PTPRN2: variants seen among roughly 807,000 people sequenced by gnomAD.
PTPRN2 encodes receptor-type tyrosine-protein phosphatase N2.
A neutral mutation model predicts 118.8 loss-of-function variants in PTPRN2; 74 were observed. The observed-to-expected ratio is 0.62, with a 90% CI of 0.52 to 0.76. The LOEUF (loss-of-function observed/expected upper bound fraction) is 0.76. PTPRN2 is among the 30% of genes least tolerant of loss of function. The probability of loss-of-function intolerance (pLI) is 0.00; values close to 1 mark genes in which losing one functional copy is unlikely to be tolerated. For missense variants in PTPRN2, 1,481 were observed against 1,394.4 expected (o/e 1.06, Z -0.99); for synonymous variants, 641 against 608.0 (o/e 1.05, Z -0.80).
At chr7:158,329,961 G>A (rs368981718) in intron 2 of PTPRN2, among the ~76,000 whole-genome samples, 1 of 151,842 alleles carries the variant, frequency 6.6e-6, no homozygotes. Context: ...CTCAGGTCTT[G>A]TATGGCGACT....
intron 11 of PTPRN2, among the ~76,000 whole-genome samples, chr7:158,005,206 C>G (rs1452024935): frequency 1.3e-5 from 2 of 151,984 alleles, no homozygotes; most frequent in Non-Finnish European, 2.9e-5. Context: ...TGCCGAGTAG[C>G]TGGGATTACA....
At chr7:157,880,925 T>C (rs941496724) in intron 12 of PTPRN2, among the ~76,000 whole-genome samples, 1 of 152,224 alleles carries the variant, frequency 6.6e-6, no homozygotes, top group Admixed American at 6.5e-5. Context: ...AAAAAGGCAC[T>C]CTGAGTTAAA....
intron 21 of PTPRN2, among the ~76,000 whole-genome samples, chr7:157,562,417 G>A (rs1025952383): frequency 1.7e-4 from 26 of 152,154 alleles, no homozygotes; most frequent in African/African-American, 6.3e-4. Context: ...GGGAAGGAGT[G>A]ACTTCCAGCT....
chr7:157,875,054 GAC>G lies in PTPRN2; in HGVS notation c.1788+23617_1788+23618del, dbSNP rs149916225. On this transcript the variant is annotated intron_variant, in intron 12 of 22. Coordinates refer to ENST00000389418, the MANE Select transcript of PTPRN2 (RefSeq NM_002847.5). ...GCAGACACACACACGCGCACACACA[GAC>G]ACACACACACACACGCTCACTCACA... Among the ~76,000 whole-genome samples the G allele has an allele frequency of 9.5e-4, 143 of 150,538 alleles. 4 individuals carry two copies. In the South Asian group the frequency reaches 0.02, roughly 21 times the overall value.
intron 12 of PTPRN2, among the ~76,000 whole-genome samples, chr7:157,713,449 G>T (rs1222303358): frequency 1.3e-5 from 2 of 151,884 alleles, no homozygotes; most frequent in African/African-American, 4.8e-5. Context: ...CGGCATGATC[G>T]TTCCAAGTCT....
intron 12 of PTPRN2, among the ~76,000 whole-genome samples, chr7:157,823,130 T>C (rs58545762): frequency 0.053 from 8,094 of 152,120 alleles, 430 homozygotes; most frequent in South Asian, 0.22. Flanking sequence ...TCTGTCCATC[T>C]ACCTATGGAA....
chr7:157,892,781 C>T (rs1157529697), intron 12 of PTPRN2, among the ~76,000 whole-genome samples: 1 of 152,208 alleles, frequency 6.6e-6, no homozygotes, highest in Non-Finnish European at 1.5e-5. Flanking sequence ...TGCAAATCTA[C>T]TCCAAATATA....
At chr7:157,884,111 C>G (rs181999427) in intron 12 of PTPRN2, among the ~76,000 whole-genome samples, 21 of 151,292 alleles carry the variant, frequency 1.4e-4, no homozygotes, top group Admixed American at 1.2e-3. Flanking sequence ...CTGTCAGAGA[C>G]CAGAACATGC....
intron 9 of PTPRN2, among the ~76,000 whole-genome samples, chr7:158,114,188 C>CAGTCCAGG (rs1431369043): frequency 6.6e-6 from 1 of 152,222 alleles, no homozygotes; most frequent in Non-Finnish European, 1.5e-5. Context: ...CTTCCCTGCC[C>CAGTCCAGG]AGTCCAGGGC....
intron 3 of PTPRN2, among the ~76,000 whole-genome samples, chr7:158,273,871 C>CGAGGAGCCGCAGACGCAG (rs1798732774): frequency 1.7e-5 from 2 of 115,424 alleles, no homozygotes; most frequent in South Asian, 2.8e-4. Context: ...AGGAGACACA[C>CGAGGAGCCGCAGACGCAG]GAGGAGCCGC....
intron 21 of PTPRN2, among the ~76,000 whole-genome samples, chr7:157,568,620 T>A (rs1461823240): frequency 6.6e-6 from 1 of 152,166 alleles, no homozygotes; most frequent in Non-Finnish European, 1.5e-5. Flanking sequence ...ACCCACTGTG[T>A]GCTCGGCACA....
intron 2 of PTPRN2, among the ~76,000 whole-genome samples, chr7:158,354,274 A>G (rs888958016): frequency 6.6e-6 from 1 of 152,178 alleles, no homozygotes; most frequent in Non-Finnish European, 1.5e-5. Flanking sequence ...GAAGAGATAA[A>G]TAAATAACCG....
In PTPRN2 at chr7:157,794,357, C is replaced by T. The variant is rs1019096040; in HGVS notation, c.1788+104316G>A. Among the ~76,000 whole-genome samples the T allele has an allele frequency of 2.0e-5, 3 of 152,142 alleles. No individual in the cohort carries two copies. The highest frequency in any genetic ancestry group is 4.8e-5 in the African/African-American group (2 of 41,392). On this transcript the variant is annotated intron_variant, in intron 12 of 22. Transcript: ENST00000389418. This position sits in a 1 kb window ranked among gnomAD's most constrained non-coding sequence, Gnocchi z 5.2. Reference sequence around the variant, plus strand: ...GCTCCACCCAGGCTGCCTGCACTTCCGGTTCTGCGTCTGGCCGGCCTACGG... The same window carrying T: ...GCTCCACCCAGGCTGCCTGCACTTCTGGTTCTGCGTCTGGCCGGCCTACGG...
intron 12 of PTPRN2, among the ~76,000 whole-genome samples, chr7:157,821,559 T>C (rs1366212838): frequency 6.6e-6 from 1 of 152,014 alleles, no homozygotes; most frequent in Non-Finnish European, 1.5e-5. Context: ...AGAAGGGGCT[T>C]ATTAGCTCTC....
chr7:158,155,739 CCATCATCACCATCACCATCAT>C (rs1821747143), intron 6 of PTPRN2, among the ~76,000 whole-genome samples: 1 of 64,588 alleles, frequency 1.5e-5, no homozygotes, highest in African/African-American at 4.4e-5. Context: ...ACCATCATCA[CCATCATCACCATCACCATCAT>C]CATCACCATC....
chr7:158,302,018 G>A lies in PTPRN2; in HGVS notation c.277+14801C>T, dbSNP rs550994273. On this transcript the variant is annotated intron_variant, in intron 3 of 22. Coordinates refer to ENST00000389418, the MANE Select transcript of PTPRN2 (RefSeq NM_002847.5). ...CAATCTAGGAAGCTATTGATTGCAA[G>A]ACAGACCATTACTCTAGTACTGCTA... Among the ~76,000 whole-genome samples the A allele has an allele frequency of 7.2e-5, 11 of 152,314 alleles. 1 individual carries two copies. In the South Asian group the frequency reaches 2.3e-3, roughly 32 times the overall value.
intron 21 of PTPRN2, among the ~76,000 whole-genome samples, chr7:157,551,529 C>A (rs1378660792): frequency 7.2e-6 from 1 of 138,948 alleles, no homozygotes; most frequent in South Asian, 2.4e-4. Flanking sequence ...CTATCACACA[C>A]CCCACACACC....
chr7:158,137,603 C>T (rs1280136520), intron 7 of PTPRN2, among the ~76,000 whole-genome samples: 1 of 152,066 alleles, frequency 6.6e-6, no homozygotes. Context: ...AACACAGGCC[C>T]TCCCGGGGTG....
chr7:157,992,989 C>T (rs1191290846), intron 11 of PTPRN2, among the ~76,000 whole-genome samples: 1 of 152,212 alleles, frequency 6.6e-6, no homozygotes, highest in African/African-American at 2.4e-5. Context: ...AGCCTGGAGC[C>T]CCCGTCTTAC....
Sources: allele counts gnomAD v4.1 joint callset (sites outside exome capture counted in the v4.1 genomes callset), GRCh38; gene constraint gnomAD v4.1.1; non-coding constraint Gnocchi (gnomAD v3.1); transcripts MANE v1.5; gene names NCBI Gene and HGNC (gene_info 2026-07-23, HGNC 2026-07-21).